Variants in ANKRD6 observed in about 807,000 individuals in gnomAD.
ANKRD6 encodes the protein ankyrin repeat domain 6, also known as ankyrin repeat domain-containing protein 6.
A neutral mutation model predicts 82.3 loss-of-function variants in ANKRD6; 56 were observed. The observed-to-expected ratio is 0.68, with a 90% CI of 0.55 to 0.85. The LOEUF (loss-of-function observed/expected upper bound fraction) is 0.85. ANKRD6 is among the 40% of genes least tolerant of loss of function. ANKRD6 has a pLI of 0.00. For synonymous variants in ANKRD6, 347 were observed against 352.1 expected, an observed-to-expected ratio of 0.99 and a Z score of 0.16; for missense variants, 852 against 907.6, an observed-to-expected ratio of 0.94 and a Z score of 0.79.
At position 89,624,235 on chromosome 6, in the gene ANKRD6, GCCAAGGCAGA is replaced by G; in HGVS notation, c.1218+180_1218+189del. On this transcript the variant is annotated intron_variant, in intron 12 of 15. Coordinates refer to ENST00000339746, the MANE Select transcript of ANKRD6 (RefSeq NM_001242809.2). The stretch of plus-strand genomic sequence containing the variant: ...GTGCAGATCCACTCCTGCTGCTAAG[GCCAAGGCAGA>G]CAGGGTGTGTAGCTGCAGAGCTTGC... Among the ~76,000 whole-genome samples the G allele has an allele frequency of 2.0e-5, 3 of 152,302 alleles. No homozygotes were observed. In the Middle Eastern group the frequency reaches 0.01, roughly 518 times the overall value.
At chr6:89,519,251 C>G (rs938571011) in intron 1 of ANKRD6, among the ~76,000 whole-genome samples, 2 of 152,176 alleles carry the variant, frequency 1.3e-5, no homozygotes, top group African/African-American at 4.8e-5. Context: ...GAATATCATC[C>G]TGGTCATACT....
chr6:89,476,878 C>G (rs1466603464), intron 1 of ANKRD6, among the ~76,000 whole-genome samples: 1 of 152,204 alleles, frequency 6.6e-6, no homozygotes, highest in Non-Finnish European at 1.5e-5. Context: ...GAACAACATT[C>G]ATTTTTACAT....
At chr6:89,617,527 G>T (rs1801893590) in intron 8 of ANKRD6, among the ~76,000 whole-genome samples, 1 of 152,186 alleles carries the variant, frequency 6.6e-6, no homozygotes, top group Non-Finnish European at 1.5e-5. Context: ...TCTTCCCACT[G>T]TTTTCCAGGG....
intron 1 of ANKRD6, among the ~76,000 whole-genome samples, chr6:89,519,390 T>G (rs2127963077): frequency 6.6e-6 from 1 of 152,210 alleles, no homozygotes; most frequent in Admixed American, 6.5e-5. Context: ...GGGAGAGAGA[T>G]TTAGGAAGCA....
chr6:89,599,010 TATCAATAAAATGAGAGAATTAGAC>T (rs960938090), intron 3 of ANKRD6, among the ~76,000 whole-genome samples: 2 of 152,102 alleles, frequency 1.3e-5, no homozygotes, highest in Admixed American at 6.6e-5. Context: ...GTCCTAGGCT[TATCAATAAAATGAGAGAATTAGAC>T]ATCAATAAAA....
chr6:89,601,429 A>G (rs1198879197), intron 3 of ANKRD6, among the ~76,000 whole-genome samples: 1 of 152,132 alleles, frequency 6.6e-6, no homozygotes, highest in Non-Finnish European at 1.5e-5. Context: ...CAGTCCTGTT[A>G]CTGGGGTATT....
chr6:89,504,546 C>G (rs1779626413), intron 1 of ANKRD6, among the ~76,000 whole-genome samples: 1 of 151,390 alleles, frequency 6.6e-6, no homozygotes, highest in African/African-American at 2.4e-5. Context: ...GGGATAAAGA[C>G]ATGTGCTACC....
At chr6:89,621,767 G>T in intron 9 of ANKRD6, 155 bp from the exon 10 acceptor site, 1 of 696,972 alleles carries the variant, frequency 1.4e-6, no homozygotes. Flanking sequence ...TAGGAGGATG[G>T]TAGGTGGTCC....
At chr6:89,592,044 T>G (rs1166880049) in intron 2 of ANKRD6, among the ~76,000 whole-genome samples, 1 of 152,216 alleles carries the variant, frequency 6.6e-6, no homozygotes, top group African/African-American at 2.4e-5. Flanking sequence ...GTGTTCTTGG[T>G]GAAGAATGCC....
chr6:89,600,528 G>A (rs1175369002), intron 3 of ANKRD6, among the ~76,000 whole-genome samples: 6 of 152,072 alleles, frequency 3.9e-5, no homozygotes, highest in Non-Finnish European at 8.8e-5. Flanking sequence ...GTAGTTTGTG[G>A]TTATATTAAA....
intron 1 of ANKRD6, among the ~76,000 whole-genome samples, chr6:89,515,716 G>A (rs1562693931): frequency 6.6e-6 from 1 of 151,414 alleles, no homozygotes; most frequent in East Asian, 1.9e-4. Context: ...TAGGATCTTG[G>A]GAGAAGGTGC....
chr6:89,479,372 C>T (rs971420230), intron 1 of ANKRD6, among the ~76,000 whole-genome samples: 1 of 152,172 alleles, frequency 6.6e-6, no homozygotes, highest in South Asian at 2.1e-4. Flanking sequence ...TTCTCAGCAA[C>T]GTACCACTAC....
At chr6:89,589,569 A>G (rs1204469696) in intron 2 of ANKRD6, among the ~76,000 whole-genome samples, 1 of 152,218 alleles carries the variant, frequency 6.6e-6, no homozygotes, top group Admixed American at 6.5e-5. Context: ...TTCTCCTGGA[A>G]GATTCCCACT....
Position 89,525,644 on chromosome 6 carries a change from T to C in ANKRD6, c.-143-41190T>C, listed in dbSNP as rs1782406606. Among the ~76,000 whole-genome samples, 3 of 152,342 alleles carry C rather than the reference T, an allele frequency of 2.0e-5. No homozygotes were observed. The South Asian group carries it at 6.2e-4, about 32-fold the overall frequency. ...TTTATGCCTCACTGGGCCTGTATCA[T>C]AGAATAGAGTCATACATATTCAGCA... On this transcript the variant is annotated intron_variant, in intron 1 of 15. Transcript: ENST00000339746.
intron 1 of ANKRD6, among the ~76,000 whole-genome samples, chr6:89,448,485 A>G (rs1436875926): frequency 6.6e-6 from 1 of 152,160 alleles, no homozygotes; most frequent in Non-Finnish European, 1.5e-5. Flanking sequence ...GTGCCGTATA[A>G]ATGGAACAGC....
chr6:89,506,386 C>A (rs1175955712), intron 1 of ANKRD6, among the ~76,000 whole-genome samples: 2 of 152,184 alleles, frequency 1.3e-5, no homozygotes, highest in African/African-American at 4.8e-5. Flanking sequence ...GCAATCTCAG[C>A]TCACTGCAAC....
At chr6:89,575,669 GTA>G (rs1301050613) in intron 2 of ANKRD6, among the ~76,000 whole-genome samples, 2 of 152,134 alleles carry the variant, frequency 1.3e-5, no homozygotes, top group Non-Finnish European at 2.9e-5. Context: ...TTATTTTCAT[GTA>G]TATGTTGCTT....
chr6:89,615,179 AT>A (rs1249148108), intron 7 of ANKRD6, among the ~76,000 whole-genome samples: 1 of 150,506 alleles, frequency 6.6e-6, no homozygotes, highest in South Asian at 2.2e-4. Flanking sequence ...AAAAAATTAG[AT>A]TGTGGTGTAG....
chr6:89,472,111 C>T (rs2127789719), intron 1 of ANKRD6, among the ~76,000 whole-genome samples: 1 of 152,236 alleles, frequency 6.6e-6, no homozygotes, highest in South Asian at 2.1e-4. Context: ...ACTCCAATCC[C>T]TGCTTTCATC....
Sources: allele counts gnomAD v4.1 joint callset (sites outside exome capture counted in the v4.1 genomes callset), GRCh38; gene constraint gnomAD v4.1.1; transcripts MANE v1.5; gene names NCBI Gene and HGNC (gene_info 2026-07-23, HGNC 2026-07-21).